The following NPHS1 variants were observed in gnomAD, a reference collection of about 807,000 sequenced individuals.
NPHS1 encodes the protein nephrin.
In NPHS1, 107 loss-of-function variants were observed where a neutral mutation model predicts 139.7. That is an observed-to-expected ratio of 0.77 (90% CI 0.66 to 0.90). The LOEUF is 0.90. Ranked by LOEUF, NPHS1 falls within the 40% of genes least tolerant of loss-of-function variation. The pLI is 0.00. For missense variants in NPHS1, 1,580 were observed against 1,654.2 expected, an observed-to-expected ratio of 0.96 and a Z score of 0.78; for synonymous variants, 707 against 706.6, an observed-to-expected ratio of 1.00 and a Z score of -0.01.
intron 17 of NPHS1, 67 bp downstream of exon 17, chr19:35,843,404 AG>A: frequency 6.3e-7 from 1 of 1,591,802 alleles, no homozygotes; most frequent in South Asian, 1.1e-5. Flanking sequence ...CCCACTCCCA[AG>A]GAACTCACAG....
rs1325164747 is a variant in NPHS1 at position 35,825,625 on chromosome 19, T to C, written c.*889A>G. ...AGATTAGTTTTGCCTATTTTAGAATTTCTATAAACGAAAGCACACACACAG... is the reference window on the plus strand; with the variant it reads ...AGATTAGTTTTGCCTATTTTAGAATCTCTATAAACGAAAGCACACACACAG... On this transcript the variant is annotated 3_prime_UTR_variant, in exon 29 of 29. Coordinates refer to ENST00000378910, the MANE Select transcript of NPHS1 (RefSeq NM_004646.4). 5.9e-5 allele frequency among the ~76,000 whole-genome samples: 9 copies of C among 152,158 alleles called. No individual in the cohort carries two copies. Among genetic ancestry groups the C allele is most frequent in the Non-Finnish European group, 1.5e-5 (1 of 68,042 alleles).
rs1409332935 is a variant in NPHS1, at chr19:35,852,159, C to T, written c.-322G>A. ...GGCCAGGTTGATCTCAGACTCTTTC[C>T]TTCAAGCCATCCTCCCACCTTGGCC... On this transcript the variant is annotated 5_prime_UTR_variant, in exon 1 of 29. Transcript: ENST00000378910. 6.7e-6 allele frequency among the ~76,000 whole-genome samples: 1 copy of T among 148,560 alleles called. No individual in the cohort carries two copies. The highest frequency in any genetic ancestry group is 1.5e-5 in the Non-Finnish European group (1 of 67,600).
rs199961311 is a variant in NPHS1 at position 35,826,524 on chromosome 19, T to A, written c.3716A>T (p.His1239Leu). ...PDSLPFELRG[H>L]LV ...GGGTTGAGAGGGCTCTTACACCAGA[T>A]GTCCCCTCAGCTCGAAGGGCAGAGA... The change falls in exon 29 of 29, where the codon CAT (histidine) becomes CTT (leucine). Residue 1239 changes from histidine to leucine, a missense_variant. Coordinates refer to ENST00000378910, the MANE Select transcript of NPHS1 (RefSeq NM_004646.4). 5.0e-6 allele frequency: 8 copies of A among 1,613,764 alleles called. No homozygotes were observed. The African/African-American group carries it at 6.7e-5, about 13-fold the overall frequency.
At position 35,831,651 on chromosome 19, in the gene NPHS1, A is replaced by AGAC; in HGVS notation, c.3275_3277dup (p.Arg1092dup). ...GAAGGGTCTCTCCTCACCCTCAGCA[A>AGAC]GACGCCTGAGTCTCCGCTGCCAGAG... On this transcript the variant is annotated inframe_insertion, in exon 24 of 29. Transcript: ENST00000378910. 6.2e-7 allele frequency: 1 copy of AGAC among 1,613,232 alleles called. No individual in the cohort carries two copies. The highest frequency in any genetic ancestry group is 8.5e-7 in the Non-Finnish European group (1 of 1,179,760).
chr19:35,847,097 G>C (rs1973153654), intron 11 of NPHS1, among the ~76,000 whole-genome samples: 1 of 152,006 alleles, frequency 6.6e-6, no homozygotes, highest in Non-Finnish European at 1.5e-5. Context: ...CCAGGCTGGA[G>C]TGCAGTGGCA....
rs775651700 is a variant in NPHS1, at chr19:35,846,343, CT to C, written c.1441-150del. 5.0e-6 allele frequency: 4 copies of C among 804,468 alleles called. No individual in the cohort carries two copies. In the East Asian group the frequency reaches 1.1e-4, roughly 22 times the overall value. 49.8% of individuals were successfully genotyped at this position (804,468 alleles called of 1,614,324 possible). A position where few individuals can be genotyped will look rare whatever the true frequency, so the allele number is the denominator to read the frequency against. On this transcript the variant is annotated intron_variant, in intron 11 of 28. Coordinates refer to ENST00000378910, the MANE Select transcript of NPHS1 (RefSeq NM_004646.4). Reference sequence around the variant, plus strand: ...AAGCACTCTCATCAGCACCACCCCCCTAGGGCAAAGCAGTGGGGAGTGGAAC... The same window carrying C: ...AAGCACTCTCATCAGCACCACCCCCCAGGGCAAAGCAGTGGGGAGTGGAAC...
rs763257277 is a variant in NPHS1 at position 35,831,760 on chromosome 19, G to A, written c.3169C>T (p.Pro1057Ser). ...DQLPTEPPSGPSGLPLLPVLF... is the reference protein window; with the variant it reads ...DQLPTEPPSGSSGLPLLPVLF... Reference sequence around the variant, plus strand: ...ACAGGCAGCAGGGGCAGCCCCGAGGGTCCTAGGGGTGGAAGATACCCCTCA... The same window carrying A: ...ACAGGCAGCAGGGGCAGCCCCGAGGATCCTAGGGGTGGAAGATACCCCTCA... The change falls in exon 24 of 29, where the codon CCC becomes TCC. Residue 1057 changes from proline (P) to serine (S), a missense_variant and splice_region_variant. Pro to Ser is a moderately conservative substitution (Grantham distance 74). Transcript: ENST00000378910. The A allele has an allele frequency of 1.0e-5, 16 of 1,565,712 alleles. No homozygotes were observed. Among genetic ancestry groups the A allele is most frequent in the Non-Finnish European group, 1.4e-5 (16 of 1,156,100 alleles).
chr19:35,829,322 T>C (rs1214555393), intron 28 of NPHS1, among the ~76,000 whole-genome samples: 3 of 152,224 alleles, frequency 2.0e-5, no homozygotes, highest in Non-Finnish European at 4.4e-5. Context: ...ACAGGTATAC[T>C]CTTTCTTTGA....
Position 35,831,327 on chromosome 19 carries a change from C to T in NPHS1, c.3356G>A (p.Trp1119Ter). Residue 1119 changes from tryptophan to a stop codon, truncating the protein, a stop_gained, in exon 26 of 29, where the codon TGG becomes TAG. Transcript: ENST00000378910. LOFTEE classifies it high-confidence loss of function. ...RVRNEYEESQ[W>*]TGERDTQSST... ...GCTCTGAGTGTCCCGCTCTCCTGTC[C>T]ACTGGCTCTCCTCATATTCGTTCCT... The T allele has an allele frequency of 6.2e-7, 1 of 1,614,084 alleles. No individual in the cohort carries two copies. The highest frequency in any genetic ancestry group is 8.5e-7 in the Non-Finnish European group (1 of 1,180,018).
chr19:35,830,355 T>C (rs914670120), intron 28 of NPHS1, among the ~76,000 whole-genome samples: 5 of 152,258 alleles, frequency 3.3e-5, no homozygotes, highest in African/African-American at 7.2e-5. Context: ...GGCTCATTCA[T>C]GTAGACTCGG....
At chr19:35,832,599 G>T (rs1250275465) in intron 23 of NPHS1, among the ~76,000 whole-genome samples, 1 of 151,180 alleles carries the variant, frequency 6.6e-6, no homozygotes, top group African/African-American at 2.4e-5. Context: ...TTTTAATTAA[G>T]ACGGAGTTGG....
chr19:35,828,608 A>G (rs1972831766), intron 28 of NPHS1, among the ~76,000 whole-genome samples: 1 of 152,238 alleles, frequency 6.6e-6, no homozygotes, highest in Admixed American at 6.5e-5. Flanking sequence ...AAAAAAGATA[A>G]CATTTGTGAC....
At chr19:35,841,597 C>T (rs1168178365) in intron 20 of NPHS1, 118 bp downstream of exon 20, 14 of 1,208,140 alleles carry the variant, frequency 1.2e-5, no homozygotes, top group Admixed American at 1.9e-5. Flanking sequence ...AAAACTCCAT[C>T]CTCACACATA....
chr19:35,838,529 G>T (rs923497384), intron 22 of NPHS1, among the ~76,000 whole-genome samples: 2 of 152,020 alleles, frequency 1.3e-5, no homozygotes, highest in South Asian at 4.2e-4. Flanking sequence ...CTCCAGCCTG[G>T]GTGGCAGAGT....
rs776928142 is a variant in NPHS1 at position 35,842,367 on chromosome 19, G to T, written c.2506+12C>A. On this transcript the variant is annotated intron_variant, in intron 18 of 28. Transcript: ENST00000378910. ...GGCAGGTCTTGAAGTCAGGTGTTTGGGTAATACCCACATCTGACAACAAGA... is the reference window on the plus strand; with the variant it reads ...GGCAGGTCTTGAAGTCAGGTGTTTGTGTAATACCCACATCTGACAACAAGA... The T allele has an allele frequency of 1.2e-6, 2 of 1,613,308 alleles. No homozygotes were observed. Among genetic ancestry groups the T allele is most frequent in the Admixed American group, 3.3e-5 (2 of 60,002 alleles).
rs73928326 is a variant in NPHS1, at chr19:35,830,963, T to A, written c.3482-7A>T. The A allele has an allele frequency of 7.6e-4, 1,219 of 1,609,922 alleles. 6 individuals carry two copies. In the African/African-American group the frequency reaches 0.013, roughly 17 times the overall value. ...TCATCTTCACCTGTGAAACCTGGAG[T>A]TGGAGTGGAAGGGAGACACGATCAA... On this transcript the variant is annotated splice_region_variant and splice_polypyrimidine_tract_variant and intron_variant, in intron 27 of 28. Coordinates refer to ENST00000378910, the MANE Select transcript of NPHS1 (RefSeq NM_004646.4).
Position 35,851,970 on chromosome 19 carries a change from C to T in NPHS1, c.-133G>A. ...TTTATCTCTTTCCGTTACTCTCCTCCCTTTCTCGTTTTCCTCTTCCCCTCT... is the reference window on the plus strand; with the variant it reads ...TTTATCTCTTTCCGTTACTCTCCTCTCTTTCTCGTTTTCCTCTTCCCCTCT... On this transcript the variant is annotated 5_prime_UTR_variant, in exon 1 of 29. Transcript: ENST00000378910. 3 of 759,722 alleles carry T rather than the reference C, an allele frequency of 3.9e-6. No homozygotes were observed. The highest frequency in any genetic ancestry group is 6.8e-6 in the Non-Finnish European group (3 of 438,820). The allele number at this position is 759,722 out of a possible 1,614,324, so 47.1% of individuals were successfully genotyped here.
chr19:35,851,211 G>T, intron 3 of NPHS1, 51 bp downstream of exon 3: 1 of 1,613,574 alleles, frequency 6.2e-7, no homozygotes, highest in African/African-American at 1.3e-5. Flanking sequence ...TGCGGGGTAG[G>T]GGAGGGCTTG....
rs1972847937 is a variant in NPHS1 at position 35,829,583 on chromosome 19, G to A, written c.3594+1261C>T. On this transcript the variant is annotated intron_variant, in intron 28 of 28. Coordinates refer to ENST00000378910, the MANE Select transcript of NPHS1 (RefSeq NM_004646.4). ...AGACAGAGTCTTGCTCTGTTGCCCAGGCTGGAGTGCAGTGGCATGATCTCG... is the reference window on the plus strand; with the variant it reads ...AGACAGAGTCTTGCTCTGTTGCCCAAGCTGGAGTGCAGTGGCATGATCTCG... 2.0e-5 allele frequency among the ~76,000 whole-genome samples: 3 copies of A among 151,896 alleles called. 1 individual carries two copies. Among genetic ancestry groups the A allele is most frequent in the Middle Eastern group, 6.8e-3 (2 of 294 alleles).
Sources: gnomAD v4.1 joint callset for allele counts (sites outside exome capture counted in the v4.1 genomes callset) on GRCh38, gnomAD v4.1.1 for gene constraint, MANE v1.5 for transcripts, NCBI Gene and HGNC (gene_info 2026-07-23, HGNC 2026-07-21) for gene names.